TTC28: variants seen among roughly 807,000 people sequenced by gnomAD.
TTC28 encodes tetratricopeptide repeat protein 28.
A neutral mutation model predicts 198.0 loss-of-function variants in TTC28; 61 were observed. That is an observed-to-expected ratio of 0.31 (90% CI 0.25 to 0.38). TTC28 has a LOEUF of 0.38. TTC28 is among the 10% of genes least tolerant of loss of function. The pLI, the probability that TTC28 is intolerant of heterozygous loss-of-function variation, is 1.00. For missense variants in TTC28, 2,678 were observed against 3,164.0 expected (o/e 0.85, Z 3.69); for synonymous variants, 1,171 against 1,297.8 (o/e 0.90, Z 2.10).
rs895273052 is a variant in TTC28, at chr22:28,298,323, AAAT to A, written c.530-474_530-472del. On this transcript the variant is annotated intron_variant, in intron 3 of 22. Coordinates refer to ENST00000397906, the MANE Select transcript of TTC28 (RefSeq NM_001145418.2). ...ATTGTTCTACACGTATTAATTTTTTAAATATTTTTCCAGCTAAATCTAAAGACT... is the reference window on the plus strand; with the variant it reads ...ATTGTTCTACACGTATTAATTTTTTAATTTTTCCAGCTAAATCTAAAGACT... 3.3e-5 allele frequency among the ~76,000 whole-genome samples: 5 copies of A among 152,212 alleles called. No individual in the cohort carries two copies. The East Asian group carries it at 9.6e-4, about 29-fold the overall frequency.
At chr22:28,525,444 C>T (rs2048988651) in intron 2 of TTC28, among the ~76,000 whole-genome samples, 1 of 152,154 alleles carries the variant, frequency 6.6e-6, no homozygotes, top group African/African-American at 2.4e-5. Context: ...TGTGAGCCAC[C>T]TCATCCAGCC....
At position 28,108,171 on chromosome 22, in the gene TTC28, C is replaced by A; in HGVS notation, c.1674G>T (p.Gly558=). 6.4e-7 allele frequency: 1 copy of A among 1,551,720 alleles called. No individual in the cohort carries two copies. The highest frequency in any genetic ancestry group is 8.7e-7 in the Non-Finnish European group (1 of 1,146,982). ...NDRASQASTH[G]NLAVAYQALG... is the part of the protein sequence containing the mutation. ...GGGCCTGGTAGGCCACGGCAAGGTT[C>A]CCATGTGTGGAGGCCTGTGAGGCGC... The change falls in exon 7 of 23, where the codon GGG becomes GGT. Residue 558 remains glycine, a synonymous_variant. Coordinates refer to ENST00000397906, the MANE Select transcript of TTC28 (RefSeq NM_001145418.2).
chr22:28,593,180 T>A (rs2050465218), intron 2 of TTC28, among the ~76,000 whole-genome samples: 1 of 152,108 alleles, frequency 6.6e-6, no homozygotes, highest in Admixed American at 6.5e-5. Flanking sequence ...AGTTTTCCAG[T>A]GAGCTTTTGA....
chr22:28,170,773 G>A (rs957507356), intron 5 of TTC28, among the ~76,000 whole-genome samples: 1 of 151,998 alleles, frequency 6.6e-6, no homozygotes, highest in Non-Finnish European at 1.5e-5. Context: ...GCTTAGATTT[G>A]GATGAGTCTC....
chr22:28,541,831 G>C, intron 2 of TTC28, among the ~76,000 whole-genome samples: 1 of 152,032 alleles, frequency 6.6e-6, no homozygotes, highest in Admixed American at 6.6e-5. Flanking sequence ...GCTCACGCCT[G>C]TAATCCCAAC....
chr22:28,318,955 A>G (rs1179367842), intron 2 of TTC28, among the ~76,000 whole-genome samples: 1 of 150,110 alleles, frequency 6.7e-6, no homozygotes, highest in Non-Finnish European at 1.5e-5. Context: ...AGTAGTTAGG[A>G]CTACAGGTAC....
chr22:28,329,321 T>C (rs1368519411), intron 2 of TTC28, among the ~76,000 whole-genome samples: 3 of 152,156 alleles, frequency 2.0e-5, no homozygotes, highest in African/African-American at 7.2e-5. Context: ...ACAAGTACAG[T>C]TGAAATACAC....
intron 6 of TTC28, among the ~76,000 whole-genome samples, chr22:28,157,799 G>A (rs2147037384): frequency 6.6e-6 from 1 of 152,222 alleles, no homozygotes; most frequent in Non-Finnish European, 1.5e-5. Flanking sequence ...GAGACCCACA[G>A]CTAGTATCAT....
intron 2 of TTC28, among the ~76,000 whole-genome samples, chr22:28,563,880 G>A (rs2049929479): frequency 6.6e-6 from 1 of 152,086 alleles, no homozygotes; most frequent in East Asian, 1.9e-4. Context: ...TAGCCAAAAG[G>A]TGAAAACAGC....
chr22:28,590,662 A>G (rs2146088312), intron 2 of TTC28, among the ~76,000 whole-genome samples: 1 of 152,284 alleles, frequency 6.6e-6, no homozygotes, highest in African/African-American at 2.4e-5. Flanking sequence ...CCTAATCTTT[A>G]CAGCAGTGAT....
intron 5 of TTC28, among the ~76,000 whole-genome samples, chr22:28,199,831 G>C (rs1286726535): frequency 2.0e-5 from 3 of 151,878 alleles, no homozygotes; most frequent in African/African-American, 7.3e-5. Context: ...TGTTACTCTG[G>C]AGGAAAAATG....
chr22:28,663,105 A>G (rs887857176), intron 1 of TTC28, among the ~76,000 whole-genome samples: 1 of 151,944 alleles, frequency 6.6e-6, no homozygotes, highest in African/African-American at 2.4e-5. Flanking sequence ...TAAATTAGCC[A>G]GGCGTGGTGG....
intron 6 of TTC28, among the ~76,000 whole-genome samples, chr22:28,150,318 A>C (rs1943577139): frequency 6.6e-6 from 1 of 152,206 alleles, no homozygotes; most frequent in Non-Finnish European, 1.5e-5. Flanking sequence ...GAAACTTGGA[A>C]TCTTCATCTC....
chr22:28,150,689 G>C (rs1193122951), intron 6 of TTC28, among the ~76,000 whole-genome samples: 1 of 152,216 alleles, frequency 6.6e-6, no homozygotes, highest in East Asian at 1.9e-4. Flanking sequence ...GCAAAGCAAA[G>C]GGCTACACAG....
At chr22:27,997,822 G>A (rs900374472) in intron 16 of TTC28, 2 of 152,484 alleles carry the variant, frequency 1.3e-5, no homozygotes, top group East Asian at 1.9e-4. Flanking sequence ...TGTGAGTCTT[G>A]GCCTGGCAGG....
rs137881549 is a variant in TTC28 at position 28,642,457 on chromosome 22, A to G, written c.103-12627T>C. On this transcript the variant is annotated intron_variant, in intron 1 of 22. Transcript: ENST00000397906. The stretch of plus-strand genomic sequence containing the variant: ...TTAAAAAAAAAAACAACAAAAAAAA[A>G]ACACTAGCTTCGCCTGTGAAAGGCC... Among the ~76,000 whole-genome samples the G allele has an allele frequency of 1.1e-3, 160 of 152,102 alleles. 3 individuals are homozygous for G. In the East Asian group the frequency reaches 0.029, roughly 28 times the overall value.
intron 5 of TTC28, among the ~76,000 whole-genome samples, chr22:28,164,948 G>T (rs938660328): frequency 6.6e-6 from 1 of 152,116 alleles, no homozygotes; most frequent in South Asian, 2.1e-4. Flanking sequence ...TAGACAAATG[G>T]CTAACTAGAA....
chr22:28,265,005 C>T (rs954558590), intron 5 of TTC28, among the ~76,000 whole-genome samples: 1 of 152,088 alleles, frequency 6.6e-6, no homozygotes, highest in African/African-American at 2.4e-5. Flanking sequence ...TGAGAATCTA[C>T]TTTATACAAG....
Position 27,983,845 on chromosome 22 carries a change from G to A in TTC28, c.5822C>T (p.Thr1941Ile), listed in dbSNP as rs1937109076. 6.5e-7 allele frequency: 1 copy of A among 1,549,004 alleles called. No individual in the cohort carries two copies. The highest frequency in any genetic ancestry group is 1.4e-5 in the African/African-American group (1 of 72,794). The change falls in exon 23 of 23, where the codon ACT (threonine) becomes ATT (isoleucine). Residue 1941 changes from threonine to isoleucine, a missense_variant. Around this residue, in one of 8 missense-constraint regions of TTC28, gnomAD observed 314 missense variants for 442.7 expected, o/e 0.71. Coordinates refer to ENST00000397906, the MANE Select transcript of TTC28 (RefSeq NM_001145418.2). ...LQSLLSLFDS[T>I]ELPKRLSLDS... ...AAGGCTGAGGCGCTTGGGTAGCTCA[G>A]TAGAATCTAAGCACAAAACACAAGG...
Sources: allele counts gnomAD v4.1 joint callset (sites outside exome capture counted in the v4.1 genomes callset), GRCh38; gene constraint gnomAD v4.1.1; regional missense constraint gnomAD v4.1.1; transcripts MANE v1.5; gene names NCBI Gene and HGNC (gene_info 2026-07-23, HGNC 2026-07-21).